The following GNAI1 variants were observed in gnomAD, a reference collection of about 807,000 sequenced individuals.
GNAI1 encodes the protein G protein subunit alpha i1.
In GNAI1, 11 loss-of-function variants were observed where a neutral mutation model predicts 38.9. That is an observed-to-expected ratio of 0.28 (90% confidence interval 0.18 to 0.47). The LOEUF (loss-of-function observed/expected upper bound fraction) is 0.47. GNAI1 is among the 20% of genes least tolerant of loss of function. The pLI is 0.99. For missense variants in GNAI1, 317 were observed against 436.9 expected (o/e 0.73, Z 2.45); for synonymous variants, 166 against 145.1 (o/e 1.14, Z -1.04).
chr7:80,186,460 TGTAGAGATAATATC>T (rs1186557502), intron 1 of GNAI1, among the ~76,000 whole-genome samples: 1 of 152,226 alleles, frequency 6.6e-6, no homozygotes. Context: ...TTAATTAGAA[TGTAGAGATAATATC>T]TAATAGCAGG....
Position 80,189,210 on chromosome 7 carries a change from C to T in GNAI1, c.282C>T (p.Asp94=), listed in dbSNP as rs1338763947. The change falls in exon 3 of 8, where the codon GAC becomes GAT. Residue 94 remains aspartate, a synonymous_variant. Transcript: ENST00000649796. ...IIRAMGRLKI[D]FGDSARADDA... Reference sequence around the variant, plus strand: ...GGGCTATGGGGAGGTTGAAGATAGACTTTGGTGACTCAGCCCGGGCGGTAA... The same window carrying T: ...GGGCTATGGGGAGGTTGAAGATAGATTTTGGTGACTCAGCCCGGGCGGTAA... 8.7e-6 allele frequency: 14 copies of T among 1,610,192 alleles called. No homozygotes were observed. Among genetic ancestry groups the T allele is most frequent in the Non-Finnish European group, 1.2e-5 (14 of 1,178,954 alleles).
chr7:80,210,224 C>G (rs2115703773), intron 5 of GNAI1, among the ~76,000 whole-genome samples: 1 of 152,220 alleles, frequency 6.6e-6, no homozygotes, highest in Admixed American at 6.5e-5. Context: ...AAGGAATAGA[C>G]TATTGTCTTT....
chr7:80,193,258 G>C (rs975883738), intron 3 of GNAI1, among the ~76,000 whole-genome samples: 2 of 152,042 alleles, frequency 1.3e-5, no homozygotes, highest in Admixed American at 1.3e-4. Flanking sequence ...TTGTTGACTT[G>C]GTTGGGATTA....
At chr7:80,136,944 T>C (rs1182640105) in intron 1 of GNAI1, among the ~76,000 whole-genome samples, 1 of 152,204 alleles carries the variant, frequency 6.6e-6, no homozygotes, top group Non-Finnish European at 1.5e-5. Flanking sequence ...TGTCTTGATC[T>C]TAGCACGGTT....
Position 80,135,205 on chromosome 7 carries a change from G to A in GNAI1, c.45G>A (p.Arg15=), listed in dbSNP as rs762035205. ...LSAEDKAAVE[R]SKMIDRNLRE... ...CCGAGGACAAGGCGGCGGTGGAGCGGAGTAAGATGATCGACCGCAACCTCC... is the reference window on the plus strand; with the variant it reads ...CCGAGGACAAGGCGGCGGTGGAGCGAAGTAAGATGATCGACCGCAACCTCC... The change falls in exon 1 of 8, where the codon CGG becomes CGA. Residue 15 remains arginine, a synonymous_variant. Transcript: ENST00000649796. 4 of 1,560,728 alleles carry A rather than the reference G, an allele frequency of 2.6e-6. No homozygotes were observed. Among genetic ancestry groups the A allele is most frequent in the Admixed American group, 1.8e-5 (1 of 54,524 alleles).
intron 1 of GNAI1, among the ~76,000 whole-genome samples, chr7:80,157,830 C>T (rs1036139734): frequency 3.3e-5 from 5 of 152,086 alleles, no homozygotes; most frequent in Non-Finnish European, 7.4e-5. Flanking sequence ...CCTCAGGCTC[C>T]CAGGTAGCTG....
Position 80,221,222 on chromosome 7 carries a change from C to T in GNAI1, c.*3729C>T, listed in dbSNP as rs1789068141. Among the ~76,000 whole-genome samples, 1 of 152,092 alleles carries T rather than the reference C, an allele frequency of 6.6e-6. No homozygotes were observed. ...AATCTGGGCAAATAATTTAGTTTTG[C>T]TCTGCCTCCATTTATATCATCTGAA... On this transcript the variant is annotated 3_prime_UTR_variant, in exon 8 of 8. Coordinates refer to ENST00000649796, the MANE Select transcript of GNAI1 (RefSeq NM_002069.6).
chr7:80,201,101 G>C (rs1034016925), intron 4 of GNAI1, among the ~76,000 whole-genome samples: 4 of 152,122 alleles, frequency 2.6e-5, no homozygotes, highest in Non-Finnish European at 5.9e-5. Flanking sequence ...ATATGATCTT[G>C]TTTAATAATG....
At chr7:80,209,467 C>G (rs6980300) in intron 5 of GNAI1, among the ~76,000 whole-genome samples, 82,038 of 151,976 alleles carry the variant, frequency 0.54, 23,224 homozygotes, top group East Asian at 0.8. Context: ...AGGATAGTCT[C>G]CATTACTTAA....
At chr7:80,173,237 A>G (rs1029454969) in intron 1 of GNAI1, among the ~76,000 whole-genome samples, 3 of 152,232 alleles carry the variant, frequency 2.0e-5, no homozygotes, top group Admixed American at 6.5e-5. Context: ...AAGCCATCTC[A>G]TGAAGATGAC....
chr7:80,136,894 C>G (rs894471229), intron 1 of GNAI1, among the ~76,000 whole-genome samples: 1 of 152,004 alleles, frequency 6.6e-6, no homozygotes, highest in East Asian at 1.9e-4. Flanking sequence ...AATAAAGGTC[C>G]CAGGAGTAGG....
chr7:80,187,350 T>C (rs568371884), intron 1 of GNAI1: 1 of 152,256 alleles, frequency 6.6e-6, no homozygotes, highest in South Asian at 2.1e-4. Flanking sequence ...ACATTTCTGG[T>C]TGGTTGATTT....
At chr7:80,173,840 T>C in intron 1 of GNAI1, among the ~76,000 whole-genome samples, 1 of 152,130 alleles carries the variant, frequency 6.6e-6, no homozygotes. Context: ...TCCTACGCTA[T>C]ATTGGTCCAT....
intron 1 of GNAI1, among the ~76,000 whole-genome samples, chr7:80,137,293 C>CTTTTTTTTT (rs377362596): frequency 5.2e-5 from 5 of 95,276 alleles, no homozygotes; most frequent in Non-Finnish European, 7.8e-5. Context: ...TTTCTTTTTT[C>CTTTTTTTTT]TTTTTTTTTT....
Position 80,219,279 on chromosome 7 carries a change from AT to A in GNAI1, c.*1787del, listed in dbSNP as rs1789031351. 6.6e-6 allele frequency: 1 copy of A among 152,634 alleles called. No homozygotes were observed. 9.5% of individuals were successfully genotyped at this position (152,634 alleles called of 1,614,324 possible). A position where few individuals can be genotyped will look rare whatever the true frequency, so the allele number is the denominator to read the frequency against. On this transcript the variant is annotated 3_prime_UTR_variant, in exon 8 of 8. Coordinates refer to ENST00000649796, the MANE Select transcript of GNAI1 (RefSeq NM_002069.6). ...ACTATAATATGAATAAATTTGAATC[AT>A]GAGAATTATGGGTTAAAAAGCCACA...
Position 80,221,346 on chromosome 7 carries a change from G to A in GNAI1, c.*3853G>A, listed in dbSNP as rs1789071109. 1.3e-5 allele frequency among the ~76,000 whole-genome samples: 2 copies of A among 152,168 alleles called. No homozygotes were observed. The highest frequency in any genetic ancestry group is 4.8e-5 in the African/African-American group (2 of 41,450). On this transcript the variant is annotated 3_prime_UTR_variant, in exon 8 of 8. Coordinates refer to ENST00000649796, the MANE Select transcript of GNAI1 (RefSeq NM_002069.6). Reference sequence around the variant, plus strand: ...AAGTACCTAGAGGGGAGTGTGGAATGTATAAGCCGTCAATACAATTTGCTG... The same window carrying A: ...AAGTACCTAGAGGGGAGTGTGGAATATATAAGCCGTCAATACAATTTGCTG...
In GNAI1 at chr7:80,203,799, A is replaced by C; in HGVS notation, c.557A>C (p.Glu186Ala). The change falls in exon 5 of 8, where the codon GAA (glutamate) becomes GCA (alanine). Residue 186 changes from glutamate (E) to alanine (A), a missense_variant. Glu to Ala is a moderately radical substitution (Grantham distance 107, BLOSUM62 -1). This residue lies in a region of GNAI1 where 158 missense variants were observed against 234.7 expected (regional missense o/e 0.67). Coordinates refer to ENST00000649796, the MANE Select transcript of GNAI1 (RefSeq NM_002069.6). ...RTRVKTTGIVETHFTFKDLHF... is the reference protein window; with the variant it reads ...RTRVKTTGIVATHFTFKDLHF... ...AGAGTGAAAACTACAGGAATTGTTGAAACCCATTTTACTTTCAAAGATCTT... is the reference window on the plus strand; with the variant it reads ...AGAGTGAAAACTACAGGAATTGTTGCAACCCATTTTACTTTCAAAGATCTT... The C allele has an allele frequency of 6.3e-7, 1 of 1,576,716 alleles. No individual in the cohort carries two copies. Among genetic ancestry groups the C allele is most frequent in the Non-Finnish European group, 8.7e-7 (1 of 1,149,478 alleles).
intron 1 of GNAI1, among the ~76,000 whole-genome samples, chr7:80,155,028 T>A (rs1249734584): frequency 6.6e-6 from 1 of 152,176 alleles, no homozygotes; most frequent in Non-Finnish European, 1.5e-5. Context: ...AATAATACAT[T>A]GCTTATTTTT....
chr7:80,156,060 A>AAAG (rs1787813183), intron 1 of GNAI1, among the ~76,000 whole-genome samples: 1 of 150,794 alleles, frequency 6.6e-6, no homozygotes, highest in Admixed American at 6.6e-5. Context: ...AAAAAAAAAA[A>AAAG]AAAGAAAGAA....
Sources: gnomAD v4.1 joint callset for allele counts (sites outside exome capture counted in the v4.1 genomes callset) on GRCh38, gnomAD v4.1.1 for gene constraint, gnomAD v4.1.1 regional missense constraint, MANE v1.5 for transcripts, NCBI Gene and HGNC (gene_info 2026-07-23, HGNC 2026-07-21) for gene names.